The following PCDHA4 variants were observed in gnomAD, a reference collection of about 807,000 sequenced individuals.
PCDHA4 encodes the protein protocadherin alpha 4, also known as protocadherin alpha-4.
Under a neutral mutation model 61.4 loss-of-function variants are expected in PCDHA4, and 49 were observed. The observed-to-expected ratio is 0.80, with a 90% CI of 0.63 to 1.01. The LOEUF (loss-of-function observed/expected upper bound fraction) is 1.01. Ranked by LOEUF, PCDHA4 falls within the 50% of genes least tolerant of loss-of-function variation. PCDHA4 has a pLI of 0.00. For missense variants in PCDHA4, 1,254 were observed against 1,235.8 expected (o/e 1.01, Z -0.22); for synonymous variants, 590 against 550.3 (o/e 1.07, Z -1.01).
intron 1 of PCDHA4, chr5:140,828,196 A>C (rs200011304): frequency 1.8e-4 from 283 of 1,613,856 alleles, no homozygotes; most frequent in East Asian, 4.2e-4. Context: ...ACTACTCCGT[A>C]CCCGAGGAGG....
chr5:140,948,345 A>G (rs1476053305), intron 1 of PCDHA4, among the ~76,000 whole-genome samples: 3 of 151,554 alleles, frequency 2.0e-5, no homozygotes, highest in African/African-American at 7.2e-5. Context: ...TAGTATTTCT[A>G]ACCTAATAAA....
intron 1 of PCDHA4, chr5:140,849,014 C>T: frequency 1.3e-6 from 2 of 1,590,086 alleles, no homozygotes; most frequent in East Asian, 2.2e-5. Flanking sequence ...ACAGACTGAG[C>T]CCCAATGAGT....
intron 1 of PCDHA4, among the ~76,000 whole-genome samples, chr5:140,889,945 C>A (rs2153428950): frequency 6.6e-6 from 1 of 152,212 alleles, no homozygotes; most frequent in Non-Finnish European, 1.5e-5. Flanking sequence ...TTGTGAGAAG[C>A]CAAATGGATA....
intron 1 of PCDHA4, chr5:140,875,198 G>A: frequency 7.2e-6 from 4 of 552,228 alleles, no homozygotes; most frequent in Non-Finnish European, 1.1e-5. Flanking sequence ...GACCCAGGAA[G>A]TGGCTAAACC....
At chr5:140,941,194 TCTTTCTTCCTTTCTTTCTTCC>T (rs1563183817) in intron 1 of PCDHA4, among the ~76,000 whole-genome samples, 5 of 112,350 alleles carry the variant, frequency 4.5e-5, no homozygotes, top group Admixed American at 9.1e-5. Flanking sequence ...TCTTTTTTTT[TCTTTCTTCCTTTCTTTCTTCC>T]TTTCTTTCTT....
intron 1 of PCDHA4, chr5:140,883,517 A>G: frequency 6.2e-7 from 1 of 1,614,162 alleles, no homozygotes; most frequent in Non-Finnish European, 8.5e-7. Context: ...GGACCGCGAG[A>G]GCGTATCAGC....
intron 1 of PCDHA4, among the ~76,000 whole-genome samples, chr5:140,891,237 T>C (rs2063002731): frequency 6.6e-6 from 1 of 152,210 alleles, no homozygotes; most frequent in South Asian, 2.1e-4. Flanking sequence ...CTGTTCTGGA[T>C]TCAGTAGGAT....
chr5:140,836,092 T>C, intron 1 of PCDHA4: 2 of 1,613,516 alleles, frequency 1.2e-6, no homozygotes, highest in South Asian at 1.1e-5. Context: ...GCGCCTCGGG[T>C]GGGTGGCACT....
chr5:140,978,196 T>C (rs1043778941), intron 1 of PCDHA4, among the ~76,000 whole-genome samples: 1 of 152,190 alleles, frequency 6.6e-6, no homozygotes. Flanking sequence ...ATCTTTTCAA[T>C]ACACAACTAA....
intron 1 of PCDHA4, chr5:140,869,050 A>T: frequency 1.3e-6 from 2 of 1,533,074 alleles, no homozygotes; most frequent in South Asian, 2.6e-5. Context: ...GAAACTGAAG[A>T]ATCTGGTACT....
chr5:140,849,798 C>T (rs1356253349), intron 1 of PCDHA4: 4 of 1,598,532 alleles, frequency 2.5e-6, no homozygotes, highest in Non-Finnish European at 3.4e-6. Context: ...CTCGCCTTCA[C>T]TGTGGGCCAC....
intron 1 of PCDHA4, chr5:140,877,486 A>G: frequency 3.7e-6 from 6 of 1,613,722 alleles, no homozygotes; most frequent in Non-Finnish European, 5.1e-6. Flanking sequence ...GCTGGTGGAG[A>G]ACGGCCAGGC....
chr5:140,837,515 A>C (rs1170524958), intron 1 of PCDHA4, among the ~76,000 whole-genome samples: 2 of 96,498 alleles, frequency 2.1e-5, no homozygotes, highest in African/African-American at 1.1e-4. Context: ...GAAGCAGTTT[A>C]CTTTTTTTGT....
In PCDHA4 at chr5:140,848,792, C is replaced by T; in HGVS notation, c.2385+39220C>T. 3.8e-6 allele frequency: 6 copies of T among 1,592,840 alleles called. 1 individual carries two copies. Among genetic ancestry groups the T allele is most frequent in the Non-Finnish European group, 5.2e-6 (6 of 1,163,812 alleles). On this transcript the variant is annotated intron_variant, in intron 1 of 3. Coordinates refer to ENST00000530339, the MANE Select transcript of PCDHA4 (RefSeq NM_018907.4). ...ACCGCGAGGAGCTGTGCGGGCGGAG[C>T]GCGGAGTGCAGCATCCACCTGGAGG... is the stretch of plus-strand genomic sequence containing the variant.
chr5:140,886,539 T>C (rs1463145945), intron 1 of PCDHA4, among the ~76,000 whole-genome samples: 6 of 152,154 alleles, frequency 3.9e-5, no homozygotes, highest in African/African-American at 1.4e-4. Context: ...GTTAGAAAGG[T>C]CTTCCCAGCT....
chr5:141,004,697 T>A (rs2098177211), intron 3 of PCDHA4, among the ~76,000 whole-genome samples: 3 of 152,184 alleles, frequency 2.0e-5, no homozygotes, highest in Admixed American at 2.0e-4. Flanking sequence ...AAACCCAGTT[T>A]TAGGTGCCGA....
At chr5:140,864,409 G>C (rs1354025134) in intron 1 of PCDHA4, 3 of 152,230 alleles carry the variant, frequency 2.0e-5, no homozygotes, top group Non-Finnish European at 4.4e-5. Context: ...GAGCAGGGTT[G>C]AGGCAGCTTC....
chr5:140,932,790 A>G (rs917083739), intron 1 of PCDHA4, among the ~76,000 whole-genome samples: 21 of 152,066 alleles, frequency 1.4e-4, no homozygotes, highest in African/African-American at 5.1e-4. Flanking sequence ...GACATAAGAG[A>G]AAAGCAATAC....
In PCDHA4 at chr5:140,843,766, GT is replaced by G. The variant is rs2150366471; in HGVS notation, c.2385+34196del. ...ATAAATTCTATTTGTGGAAATTGTA[GT>G]TACTTTAAAAGTGTTTCAGATTTAG... On this transcript the variant is annotated intron_variant, in intron 1 of 3. Coordinates refer to ENST00000530339, the MANE Select transcript of PCDHA4 (RefSeq NM_018907.4). 2.9e-5 allele frequency: 43 copies of G among 1,487,836 alleles called. 4 individuals carry two copies. Among genetic ancestry groups the G allele is most frequent in the Non-Finnish European group, 3.7e-5 (40 of 1,082,784 alleles). 92.2% of individuals were successfully genotyped at this position (1,487,836 alleles called of 1,614,324 possible). A position where few individuals can be genotyped will look rare whatever the true frequency, so the allele number is the denominator to read the frequency against.
Sources: allele counts gnomAD v4.1 joint callset (sites outside exome capture counted in the v4.1 genomes callset), GRCh38; gene constraint gnomAD v4.1.1; transcripts MANE v1.5; gene names NCBI Gene and HGNC (gene_info 2026-07-23, HGNC 2026-07-21).